The following SALL3 variants were observed in gnomAD, a reference collection of about 807,000 sequenced individuals.
SALL3 encodes the protein spalt like transcription factor 3, also known as sal-like protein 3.
A neutral mutation model predicts 66.2 loss-of-function variants in SALL3; 25 were observed. The observed-to-expected ratio is 0.38, with a 90% confidence interval of 0.28 to 0.53. The LOEUF (loss-of-function observed/expected upper bound fraction) is 0.53, where lower values mean the gene tolerates loss of function less well. SALL3 is among the 20% of genes least tolerant of loss of function. SALL3 has a pLI of 0.85. For missense variants in SALL3, 2,194 were observed against 1,916.5 expected (o/e 1.14, Z -2.70); for synonymous variants, 1,152 against 899.1 (o/e 1.28, Z -5.03).
chr18:78,988,509 T>A (rs974546637), intron 1 of SALL3, among the ~76,000 whole-genome samples: 2 of 152,214 alleles, frequency 1.3e-5, no homozygotes, highest in Admixed American at 1.3e-4. Context: ...TAGTAAAATA[T>A]GTTCACTTTG....
In SALL3 at chr18:78,993,946, T is replaced by C. The variant is rs1208408432; in HGVS notation, c.1955T>C (p.Leu652Pro). Residue 652 changes from leucine to proline, a missense_variant, in exon 2 of 3, where the codon CTG (leucine) becomes CCG (proline). By Grantham distance (98) the Leu-to-Pro change is moderately conservative. Coordinates refer to ENST00000537592, the MANE Select transcript of SALL3 (RefSeq NM_171999.4). ...AAGGCCCAGTTTCCGTTCGGGGGGC[T>C]GCTAGACTCGATGCAAACGTCGGAA... ...QFKAQFPFGG[L>P]LDSMQTSETS... The C allele has an allele frequency of 1.2e-6, 2 of 1,610,170 alleles. No individual in the cohort carries two copies. Among genetic ancestry groups the C allele is most frequent in the African/African-American group, 2.7e-5 (2 of 74,844 alleles).
chr18:78,995,136 A>C lies in SALL3; in HGVS notation c.3145A>C (p.Thr1049Pro), dbSNP rs779984141. The change falls in exon 2 of 3, where the codon ACT (threonine) becomes CCT (proline). Residue 1049 changes from threonine to proline, a missense_variant. By Grantham distance (38) the Thr-to-Pro change is conservative (BLOSUM62 -1). Transcript: ENST00000537592. ...PNFALGPSQS[T>P]PSLISSAAPT... ...CTTTGCTCTAGGTCCCAGCCAAAGC[A>C]CTCCTAGCCTGATCTCCAGCGCCGC... is the stretch of plus-strand genomic sequence containing the variant. 3 of 1,613,456 alleles carry C rather than the reference A, an allele frequency of 1.9e-6. No individual in the cohort carries two copies. The highest frequency in any genetic ancestry group is 2.2e-5 in the South Asian group (2 of 91,072).
chr18:78,983,111 C>T (rs1337626515), intron 1 of SALL3, among the ~76,000 whole-genome samples: 1 of 151,556 alleles, frequency 6.6e-6, no homozygotes, highest in Non-Finnish European at 1.5e-5. Flanking sequence ...ATGTAAAGTT[C>T]TAAAGTCATG....
rs1016525905 is a variant in SALL3 at position 78,992,759 on chromosome 18, C to T, written c.768C>T (p.Ser256=). 6 of 1,110,726 alleles carry T rather than the reference C, an allele frequency of 5.4e-6. No homozygotes were observed. The Admixed American group carries it at 2.1e-4, about 39-fold the overall frequency. 68.8% of individuals were successfully genotyped at this position (1,110,726 alleles called of 1,614,324 possible). Residue 256 remains serine (S), a synonymous_variant, in exon 2 of 3, where the codon AGC becomes AGT. Coordinates refer to ENST00000537592, the MANE Select transcript of SALL3 (RefSeq NM_171999.4). ...AAPSAPGPAP[S]QLPGLAALPL... ...CGAGCGCACCGGGCCCGGCCCCCAG[C>T]CAGCTGCCCGGGCTGGCCGCGCTCC... is the stretch of plus-strand genomic sequence containing the variant.
In SALL3 at chr18:78,979,945, C is replaced by G. The variant is rs1477775942; in HGVS notation, c.-330C>G. On this transcript the variant is annotated 5_prime_UTR_variant, in exon 1 of 3. Transcript: ENST00000537592. ...CCGGGGCGGCCGAGGAGCGCGGCGC[C>G]GGAGCCCGCGATGTGAGGCGGCGCC... 6.9e-6 allele frequency among the ~76,000 whole-genome samples: 1 copy of G among 144,576 alleles called. No individual in the cohort carries two copies. Among genetic ancestry groups the G allele is most frequent in the African/African-American group, 2.5e-5 (1 of 40,428 alleles). The allele number at this position is 144,576 out of a possible 152,430, so 94.8% of individuals were successfully genotyped here. A position where few individuals can be genotyped will look rare whatever the true frequency, so the allele number is the denominator to read the frequency against.
At position 78,996,987 on chromosome 18, in the gene SALL3, C is replaced by T. The variant is rs759144550; in HGVS notation, c.3568C>T (p.Leu1190=). 6.2e-7 allele frequency: 1 copy of T among 1,614,098 alleles called. No homozygotes were observed. The highest frequency in any genetic ancestry group is 2.2e-5 in the East Asian group (1 of 44,876). ...CATGGCTCTCCTAGGGGGTGATGCC[C>T]TGAAGTTCTCTGAAATGTTCCAGAA... ...NPMALLGGDA[L]KFSEMFQKDL... Residue 1190 remains leucine (L), a synonymous_variant, in exon 3 of 3, where the codon CTG becomes TTG. Transcript: ENST00000537592.
rs1174540877 is a variant in SALL3, at chr18:78,980,027, G to C, written c.-248G>C. Among the ~76,000 whole-genome samples, 2 of 145,914 alleles carry C rather than the reference G, an allele frequency of 1.4e-5. No individual in the cohort carries two copies. Among genetic ancestry groups the C allele is most frequent in the Non-Finnish European group, 3.0e-5 (2 of 65,664 alleles). ...CGGCCCCCTCCTCGTCGGCGCGGCC[G>C]CTAATTGCGAGCGCGGCCTCATTTG... On this transcript the variant is annotated 5_prime_UTR_variant, in exon 1 of 3. Transcript: ENST00000537592.
chr18:78,985,746 G>C (rs934745760), intron 1 of SALL3, among the ~76,000 whole-genome samples: 5 of 152,150 alleles, frequency 3.3e-5, no homozygotes, highest in Admixed American at 6.5e-5. Flanking sequence ...TGTCTAAGTG[G>C]TTTTGCGTAT....
In SALL3 at chr18:78,980,036, G is replaced by C. The variant is rs1300119402; in HGVS notation, c.-239G>C. ...CCTCGTCGGCGCGGCCGCTAATTGC[G>C]AGCGCGGCCTCATTTGCATAGGCCG... On this transcript the variant is annotated 5_prime_UTR_variant, in exon 1 of 3. Coordinates refer to ENST00000537592, the MANE Select transcript of SALL3 (RefSeq NM_171999.4). Among the ~76,000 whole-genome samples, 2 of 145,994 alleles carry C rather than the reference G, an allele frequency of 1.4e-5. No individual in the cohort carries two copies. The highest frequency in any genetic ancestry group is 3.0e-5 in the Non-Finnish European group (2 of 65,706).
intron 1 of SALL3, among the ~76,000 whole-genome samples, chr18:78,983,724 C>T (rs2146207603): frequency 6.6e-6 from 1 of 152,222 alleles, no homozygotes; most frequent in East Asian, 1.9e-4. Context: ...CAGCACACTA[C>T]ACACATTTAC....
At position 78,997,490 on chromosome 18, in the gene SALL3, C is replaced by T. The variant is rs1472144017; in HGVS notation, c.*168C>T. 2.2e-5 allele frequency: 14 copies of T among 635,308 alleles called. No individual in the cohort carries two copies. The highest frequency in any genetic ancestry group is 3.2e-5 in the Non-Finnish European group (12 of 370,662). The allele number at this position is 635,308 out of a possible 1,614,324, so 39.4% of individuals were successfully genotyped here. A position where few individuals can be genotyped will look rare whatever the true frequency, so the allele number is the denominator to read the frequency against. ...AAGCGCTGCATGGCGCTCCCTTCAA[C>T]AGCAAGCCTGACTGTTCTCGAGAAC... is the stretch of plus-strand genomic sequence containing the variant. On this transcript the variant is annotated 3_prime_UTR_variant, in exon 3 of 3. Coordinates refer to ENST00000537592, the MANE Select transcript of SALL3 (RefSeq NM_171999.4).
In SALL3 at chr18:78,995,432, C is replaced by T. The variant is rs771191091; in HGVS notation, c.3441C>T (p.Gly1147=). The T allele has an allele frequency of 1.3e-6, 2 of 1,583,274 alleles. No homozygotes were observed. The highest frequency in any genetic ancestry group is 2.2e-5 in the East Asian group (1 of 44,628). Residue 1147 remains glycine (G), a synonymous_variant, in exon 2 of 3, where the codon GGC becomes GGT. Coordinates refer to ENST00000537592, the MANE Select transcript of SALL3 (RefSeq NM_171999.4). The part of the protein sequence containing the change: ...GEKPFGCTIC[G]RAFTTKGNLK... ...AGCCGTTCGGCTGCACCATCTGCGGCCGGGCCTTCACCACTAAGGGCAACC... is the reference window on the plus strand; with the variant it reads ...AGCCGTTCGGCTGCACCATCTGCGGTCGGGCCTTCACCACTAAGGGCAACC...
chr18:78,995,280 G>A lies in SALL3; in HGVS notation c.3289G>A (p.Gly1097Ser). The change falls in exon 2 of 3, where the codon GGC (glycine) becomes AGC (serine). Residue 1097 changes from glycine to serine, a missense_variant. Gly to Ser is a moderately conservative substitution (Grantham distance 56). Coordinates refer to ENST00000537592, the MANE Select transcript of SALL3 (RefSeq NM_171999.4). ...CGGGCCTCAGACAGTGATGGGCCCG[G>A]GCCTGGCGCCCATGCTGGCCCCCCC... ...PAGPQTVMGP[G>S]LAPMLAPPPR... The A allele has an allele frequency of 6.3e-7, 1 of 1,586,520 alleles. No homozygotes were observed. The highest frequency in any genetic ancestry group is 8.5e-7 in the Non-Finnish European group (1 of 1,171,660).
chr18:78,993,686 C>G lies in SALL3; in HGVS notation c.1695C>G (p.Ser565=). The change falls in exon 2 of 3, where the codon TCC becomes TCG. Residue 565 remains serine (S), a synonymous_variant. Coordinates refer to ENST00000537592, the MANE Select transcript of SALL3 (RefSeq NM_171999.4). ...CGCCCGCCTCCAGCGAGTGCGCCTC[C>G]TTGTCCCCAGGCCTCAACCACGTGG... The part of the protein sequence containing the change: ...RPSPASSECA[S]LSPGLNHVES... 3.8e-6 allele frequency: 6 copies of G among 1,583,286 alleles called. No individual in the cohort carries two copies. Among genetic ancestry groups the G allele is most frequent in the South Asian group, 1.1e-5 (1 of 88,900 alleles).
At chr18:78,991,784 CAACA>C (rs1271104511) in intron 1 of SALL3, 1 of 381,702 alleles carries the variant, frequency 2.6e-6, no homozygotes, top group East Asian at 3.9e-5. Flanking sequence ...GCTTTGTACT[CAACA>C]GACAGGGTAG....
In SALL3 at chr18:78,993,778, C is replaced by G; in HGVS notation, c.1787C>G (p.Ala596Gly). 6.5e-7 allele frequency: 1 copy of G among 1,549,714 alleles called. No homozygotes were observed. Among genetic ancestry groups the G allele is most frequent in the Admixed American group, 1.9e-5 (1 of 53,092 alleles). ...SLLGGPPLTK[A>G]EPVSLPCTNA... ...CTCGGCGGGCCGCCCCTCACTAAAG[C>G]CGAGCCCGTCAGCCTGCCCTGCACC... is the stretch of plus-strand genomic sequence containing the variant. Residue 596 changes from alanine to glycine, a missense_variant, in exon 2 of 3, where the codon GCC (alanine) becomes GGC (glycine). Physicochemically the swap from Ala to Gly is moderately conservative, Grantham distance 60 (BLOSUM62 0). Transcript: ENST00000537592.
chr18:78,992,522 G>T lies in SALL3; in HGVS notation c.531G>T (p.Ala177=). The T allele has an allele frequency of 6.7e-7, 1 of 1,488,518 alleles. No homozygotes were observed. The highest frequency in any genetic ancestry group is 8.9e-7 in the Non-Finnish European group (1 of 1,125,188). The allele number at this position is 1,488,518 out of a possible 1,614,324, so 92.2% of individuals were successfully genotyped here. A position where few individuals can be genotyped will look rare whatever the true frequency, so the allele number is the denominator to read the frequency against. Residue 177 remains alanine, a synonymous_variant, in exon 2 of 3, where the codon GCG becomes GCT. Coordinates refer to ENST00000537592, the MANE Select transcript of SALL3 (RefSeq NM_171999.4). ...AGGCGCTGCTGAGCACCAAGGTGGC[G>T]GTGGCGCAGTTCTCGCAGGGCGCGC... The part of the protein sequence containing the change: ...TLEALLSTKV[A]VAQFSQGARA...
Position 78,994,402 on chromosome 18 carries a change from C to T in SALL3, c.2411C>T (p.Ser804Phe). The T allele has an allele frequency of 6.2e-7, 1 of 1,613,080 alleles. No individual in the cohort carries two copies. Among genetic ancestry groups the T allele is most frequent in the Non-Finnish European group, 8.5e-7 (1 of 1,179,992 alleles). Reference protein sequence around the residue: ...SSYDDDMDENSMEDDAELKDA... With the variant: ...SSYDDDMDENFMEDDAELKDA... ...TACGATGACGACATGGACGAGAACT[C>T]CATGGAGGACGACGCTGAGCTGAAG... Residue 804 changes from serine to phenylalanine, a missense_variant, in exon 2 of 3, where the codon TCC (serine) becomes TTC (phenylalanine). Ser to Phe is a radical substitution (Grantham distance 155). Transcript: ENST00000537592.
Position 78,992,725 on chromosome 18 carries a change from C to A in SALL3, c.734C>A (p.Ala245Glu). 1.4e-6 allele frequency: 2 copies of A among 1,405,668 alleles called. No homozygotes were observed. The highest frequency in any genetic ancestry group is 1.9e-6 in the Non-Finnish European group (2 of 1,077,324). The allele number at this position is 1,405,668 out of a possible 1,614,324, so 87.1% of individuals were successfully genotyped here. Residue 245 changes from alanine to glutamate, a missense_variant, in exon 2 of 3, where the codon GCG (alanine) becomes GAG (glutamate). By Grantham distance (107) the Ala-to-Glu change is moderately radical. Transcript: ENST00000537592. ...RPPPRPSLSP[A>E]AAPSAPGPAP... ...CCGCCGCGGCCCTCACTCAGCCCCG[C>A]GGCCGCCCCGAGCGCACCGGGCCCG...
Sources: allele counts gnomAD v4.1 joint callset (sites outside exome capture counted in the v4.1 genomes callset), GRCh38; gene constraint gnomAD v4.1.1; transcripts MANE v1.5; gene names NCBI Gene and HGNC (gene_info 2026-07-23, HGNC 2026-07-21).